CUL9: variants seen among roughly 807,000 people sequenced by gnomAD.
The protein encoded by CUL9 is cullin-9.
Under a neutral mutation model 272.6 loss-of-function variants are expected in CUL9, and 79 were observed. The ratio of observed to expected loss-of-function variants is 0.29; its 90% CI spans 0.24 to 0.35. The LOEUF (loss-of-function observed/expected upper bound fraction) is 0.35, where lower values mean the gene tolerates loss of function less well. Ranked by LOEUF, CUL9 falls within the 10% of genes least tolerant of loss-of-function variation. The probability of loss-of-function intolerance (pLI) is 1.00; values close to 1 mark genes in which losing one functional copy is unlikely to be tolerated. For synonymous variants in CUL9, 1,186 were observed against 1,286.5 expected (o/e 0.92, Z 1.67); for missense variants, 2,532 against 3,255.6 (o/e 0.78, Z 5.41).
intron 26 of CUL9, among the ~76,000 whole-genome samples, chr6:43,210,179 A>G (rs1011531193): frequency 2.0e-5 from 3 of 152,106 alleles, no homozygotes; most frequent in African/African-American, 7.2e-5. Flanking sequence ...GGGTTTCACC[A>G]TGTTGGCCAG....
rs767180627 is a variant in CUL9 at position 43,198,781 on chromosome 6, C to T, written c.2976C>T (p.Thr992=). 2.2e-5 allele frequency: 35 copies of T among 1,613,890 alleles called. No homozygotes were observed. Among genetic ancestry groups the T allele is most frequent in the Non-Finnish European group, 2.8e-5 (33 of 1,180,038 alleles). The change falls in exon 12 of 41, where the codon ACC becomes ACT. Residue 992 remains threonine (T), a synonymous_variant. Transcript: ENST00000252050. ...RPLLKRLQQE[T]QPFLLLLRTL... ...TCCTCAAGCGCCTCCAGCAGGAGAC[C>T]CAGCCTTTCCTCCTGTTGCTGCGGA...
intron 31 of CUL9, among the ~76,000 whole-genome samples, chr6:43,219,542 C>T (rs1057028597): frequency 6.6e-6 from 1 of 152,072 alleles, no homozygotes; most frequent in Non-Finnish European, 1.5e-5. Context: ...TGTTTCAATG[C>T]AGAAAGGGTT....
At chr6:43,194,177 T>C (rs1383554045) in intron 9 of CUL9, among the ~76,000 whole-genome samples, 2 of 152,220 alleles carry the variant, frequency 1.3e-5, no homozygotes, top group Non-Finnish European at 2.9e-5. Flanking sequence ...GCCAGAGCAG[T>C]TCTGAGAATG....
Position 43,183,705 on chromosome 6 carries a change from T to TCTTCCTTC in CUL9, c.-9-570_-9-563dup, listed in dbSNP as rs59921107. Among the ~76,000 whole-genome samples, 290 of 147,252 alleles carry TCTTCCTTC rather than the reference T, an allele frequency of 2.0e-3. 1 individual carries two copies. Among genetic ancestry groups the TCTTCCTTC allele is most frequent in the Middle Eastern group, 0.01 (3 of 292 alleles). ...TTTTGTAAACTCCCCTTCCTTCCTT[T>TCTTCCTTC]CTTCCTTCCTTCCTTCCTTCCTTCC... On this transcript the variant is annotated intron_variant, in intron 1 of 40. Coordinates refer to ENST00000252050, the MANE Select transcript of CUL9 (RefSeq NM_015089.4).
In CUL9 at chr6:43,193,003, A is replaced by T. The variant is rs557033541; in HGVS notation, c.2183A>T (p.Glu728Val). The T allele has an allele frequency of 6.2e-7, 1 of 1,613,922 alleles. No individual in the cohort carries two copies. Among genetic ancestry groups the T allele is most frequent in the East Asian group, 2.2e-5 (1 of 44,876 alleles). Residue 728 changes from glutamate to valine, a missense_variant and splice_region_variant, in exon 9 of 41, where the codon GAG becomes GTG. Glu to Val is a moderately radical substitution (Grantham distance 121, BLOSUM62 -2). Coordinates refer to ENST00000252050, the MANE Select transcript of CUL9 (RefSeq NM_015089.4). ...PLVRPDRSLR[E>V]KLVKMLVELL... is the part of the protein sequence containing the mutation. The stretch of plus-strand genomic sequence containing the variant: ...CCCAATATCTCTTCTCTTGTCAGAG[A>T]GAAGCTAGTGAAGATGCTGGTGGAG...
Position 43,203,476 on chromosome 6 carries a change from G to T in CUL9, c.3909G>T (p.Trp1303Cys). ...TCCTGGGCCCTAAGCCCACATTCTG[G>T]CCACTGTTCCGGGAGCAGCTGTGTC... ...VEVLGPKPTF[W>C]PLFREQLCRR... The change falls in exon 19 of 41, where the codon TGG becomes TGT. Residue 1303 changes from tryptophan to cysteine, a missense_variant. By Grantham distance (215) the Trp-to-Cys change is radical. This residue lies in a region of CUL9 where 2,218 missense variants were observed against 2,788.6 expected (regional missense o/e 0.80). Coordinates refer to ENST00000252050, the MANE Select transcript of CUL9 (RefSeq NM_015089.4). This position sits in a 1 kb window ranked among gnomAD's most constrained non-coding sequence, Gnocchi z 5.0. 6.8e-6 allele frequency: 11 copies of T among 1,614,164 alleles called. No individual in the cohort carries two copies. The highest frequency in any genetic ancestry group is 9.3e-6 in the Non-Finnish European group (11 of 1,180,030).
chr6:43,205,496 G>C (rs962506122), intron 24 of CUL9, 73 bp downstream of exon 24: 47 of 1,528,318 alleles, frequency 3.1e-5, no homozygotes, highest in Non-Finnish European at 4.1e-5. Flanking sequence ...AGTCTTATAG[G>C]GGAGATGAGA....
chr6:43,203,582 C>T lies in CUL9; in HGVS notation c.4015C>T (p.Leu1339Phe). 6.2e-7 allele frequency: 1 copy of T among 1,613,190 alleles called. No homozygotes were observed. The highest frequency in any genetic ancestry group is 8.5e-7 in the Non-Finnish European group (1 of 1,179,912). The change falls in exon 19 of 41, where the codon CTC (leucine) becomes TTC (phenylalanine). Residue 1339 changes from leucine to phenylalanine, a missense_variant. Physicochemically the swap from Leu to Phe is conservative, Grantham distance 22. This residue lies in a region of CUL9 where 2,218 missense variants were observed against 2,788.6 expected (regional missense o/e 0.80). Transcript: ENST00000252050. The surrounding 1 kb of genome is among the most constrained non-coding windows in gnomAD (Gnocchi z 5.0). ...AGAGGACCACCGGCGCCTCCTCCAG[C>T]TCTGTCCCAGGTGGGTGGGGCCTGA... Reference protein sequence around the residue: ...IAEDHRRLLQLCPRLNRVLRH... With the variant: ...IAEDHRRLLQFCPRLNRVLRH...
At chr6:43,204,225 C>A in intron 20 of CUL9, 135 bp from the exon 21 acceptor site, 1 of 1,169,422 alleles carries the variant, frequency 8.6e-7, no homozygotes, top group Non-Finnish European at 1.2e-6. Flanking sequence ...CTGAAACAAA[C>A]CTTGGTGAGG....
chr6:43,198,303 A>T, intron 11 of CUL9: 1 of 981,054 alleles, frequency 1.0e-6, no homozygotes, highest in Non-Finnish European at 1.2e-6. Context: ...TGCAGGTAGT[A>T]CAGGGATATA....
Position 43,205,090 on chromosome 6 carries a change from A to G in CUL9, c.4607A>G (p.Gln1536Arg), listed in dbSNP as rs765394176. The stretch of plus-strand genomic sequence containing the variant: ...AGTGGCTTCTCTGGCGCCTTGCTGC[A>G]GCAGTCCTTCCTCACTGCTGCTCAC... Reference protein sequence around the residue: ...LRSGFSGALLQQSFLTAAHMS... With the variant: ...LRSGFSGALLRQSFLTAAHMS... Residue 1536 changes from glutamine (Q) to arginine (R), a missense_variant, in exon 23 of 41, where the codon CAG becomes CGG. By Grantham distance (43) the Gln-to-Arg change is conservative. Coordinates refer to ENST00000252050, the MANE Select transcript of CUL9 (RefSeq NM_015089.4). 1.3e-6 allele frequency: 2 copies of G among 1,598,692 alleles called. No individual in the cohort carries two copies. The highest frequency in any genetic ancestry group is 8.5e-7 in the Non-Finnish European group (1 of 1,172,264).
chr6:43,183,476 C>T (rs1772610365), intron 1 of CUL9, among the ~76,000 whole-genome samples: 1 of 152,134 alleles, frequency 6.6e-6, no homozygotes, highest in Non-Finnish European at 1.5e-5. Context: ...CATTTATGCT[C>T]CCTGTCCTGC....
At chr6:43,198,265 C>G in intron 11 of CUL9, 2 of 984,994 alleles carry the variant, frequency 2.0e-6, no homozygotes, top group South Asian at 4.7e-5. Flanking sequence ...ATGTATGTAT[C>G]TTTTAGTCTG....
rs767411406 is a variant in CUL9, at chr6:43,223,394, C to T, written c.7281C>T (p.Ala2427=). The T allele has an allele frequency of 6.9e-6, 11 of 1,594,146 alleles. No individual in the cohort carries two copies. Among genetic ancestry groups the T allele is most frequent in the South Asian group, 3.4e-5 (3 of 88,114 alleles). ...TGCTTGCCATCCTGCAGCATTCTGC[C>T]CAGGTACTGCCCGGCCCAGACCCCT... ...ERLLAILQHS[A]QDFRVGLQSP... is the part of the protein sequence containing the mutation. The change falls in exon 39 of 41, where the codon GCC becomes GCT. Residue 2427 remains alanine, a synonymous_variant. Transcript: ENST00000252050. The surrounding 1 kb of genome is among the most constrained non-coding windows in gnomAD (Gnocchi z 4.1).
chr6:43,196,236 A>G lies in CUL9; in HGVS notation c.2556A>G (p.Ala852=), dbSNP rs758646370. The G allele has an allele frequency of 6.2e-7, 1 of 1,614,054 alleles. No homozygotes were observed. Among genetic ancestry groups the G allele is most frequent in the Non-Finnish European group, 8.5e-7 (1 of 1,180,028 alleles). Residue 852 remains alanine, a synonymous_variant, in exon 10 of 41, where the codon GCA becomes GCG. Coordinates refer to ENST00000252050, the MANE Select transcript of CUL9 (RefSeq NM_015089.4). The part of the protein sequence containing the change: ...GSESLLLTVP[A]AVILMLNTEG... ...AGAGCCTGCTCCTCACTGTCCCTGC[A>G]GCCGTGATCCTGATGCTGAATACTG... is the stretch of plus-strand genomic sequence containing the variant.
In CUL9 at chr6:43,205,378, T is replaced by G; in HGVS notation, c.4748T>G (p.Val1583Gly). Reference protein sequence around the residue: ...QLQRHLEPIMVLSGLELATTF... With the variant: ...QLQRHLEPIMGLSGLELATTF... ...CAGCGGCACCTGGAACCCATTATGG[T>G]CCTTTCTGGTCTGGAACTGGCCACA... The change falls in exon 24 of 41, where the codon GTC (valine) becomes GGC (glycine). Residue 1583 changes from valine to glycine, a missense_variant. Around this residue, in one of 3 missense-constraint regions of CUL9, gnomAD observed 2,218 missense variants for 2,788.6 expected, o/e 0.80. Transcript: ENST00000252050. 1 of 1,614,170 alleles carries G rather than the reference T, an allele frequency of 6.2e-7. No individual in the cohort carries two copies. The highest frequency in any genetic ancestry group is 8.5e-7 in the Non-Finnish European group (1 of 1,180,026).
chr6:43,195,020 A>G (rs1239150178), intron 9 of CUL9, among the ~76,000 whole-genome samples: 1 of 152,074 alleles, frequency 6.6e-6, no homozygotes. Context: ...GCGCCATTGC[A>G]CTCCAGCCTG....
chr6:43,200,144 C>T lies in CUL9; in HGVS notation c.3372C>T (p.Ala1124=), dbSNP rs771391908. The part of the protein sequence containing the change: ...LYSNLTSSIL[A]GCIQMVLGQI... ...GCAACCTCACCTCCAGCATCCTGGC[C>T]GGCTGCATTCAGGTGAGGAGCGGCT... is the stretch of plus-strand genomic sequence containing the variant. Residue 1124 remains alanine (A), a synonymous_variant, in exon 14 of 41, where the codon GCC becomes GCT. Coordinates refer to ENST00000252050, the MANE Select transcript of CUL9 (RefSeq NM_015089.4). This position sits in a 1 kb window ranked among gnomAD's most constrained non-coding sequence, Gnocchi z 4.0. 1.2e-5 allele frequency: 19 copies of T among 1,613,970 alleles called. No homozygotes were observed. Among genetic ancestry groups the T allele is most frequent in the East Asian group, 4.5e-5 (2 of 44,876 alleles).
intron 8 of CUL9, among the ~76,000 whole-genome samples, chr6:43,190,151 C>T (rs139777656): frequency 1.3e-3 from 191 of 152,156 alleles, no homozygotes; most frequent in Non-Finnish European, 2.0e-3. Context: ...AGTGTTCTAA[C>T]GCGTCTGTTT....
Sources: gnomAD v4.1 joint callset for allele counts (sites outside exome capture counted in the v4.1 genomes callset) on GRCh38, gnomAD v4.1.1 for gene constraint, gnomAD v4.1.1 regional missense constraint, Gnocchi (gnomAD v3.1) non-coding constraint, MANE v1.5 for transcripts, NCBI Gene and HGNC (gene_info 2026-07-23, HGNC 2026-07-21) for gene names.